Variants in CMSS1 observed in about 807,000 individuals in gnomAD.
CMSS1 encodes cms1 ribosomal small subunit homolog.
Under a neutral mutation model 43.5 loss-of-function variants are expected in CMSS1, and 33 were observed. The ratio of observed to expected loss-of-function variants is 0.76; its 90% CI spans 0.57 to 1.01. The LOEUF (loss-of-function observed/expected upper bound fraction) is 1.01, where lower values mean the gene tolerates loss of function less well. CMSS1 is among the 50% of genes least tolerant of loss of function. The pLI is 0.00. For missense variants in CMSS1, 313 were observed against 326.4 expected (o/e 0.96, Z 0.32); for synonymous variants, 115 against 117.2 (o/e 0.98, Z 0.12).
chr3:100,066,884 A>G (rs1246461009), intron 1 of CMSS1, among the ~76,000 whole-genome samples: 1 of 152,062 alleles, frequency 6.6e-6, no homozygotes, highest in East Asian at 1.9e-4. Context: ...AAAGATTTTT[A>G]CTTGACCATA....
intron 1 of CMSS1, among the ~76,000 whole-genome samples, chr3:99,915,376 G>A (rs528625901): frequency 4.8e-4 from 73 of 152,228 alleles, no homozygotes; most frequent in African/African-American, 1.5e-3. Flanking sequence ...AAGTAAGCCC[G>A]CTTACCTTAG....
intron 1 of CMSS1, among the ~76,000 whole-genome samples, chr3:100,060,379 A>G (rs1292866904): frequency 1.3e-5 from 2 of 152,142 alleles, no homozygotes; most frequent in African/African-American, 4.8e-5. Flanking sequence ...CATCTTCCTG[A>G]TGCCCTTCTA....
chr3:99,961,553 C>G (rs765608058), intron 1 of CMSS1, among the ~76,000 whole-genome samples: 16 of 152,184 alleles, frequency 1.1e-4, no homozygotes, highest in Non-Finnish European at 2.1e-4. Flanking sequence ...CAGCTGAATA[C>G]TGGTCAAAGT....
At chr3:99,952,587 C>T (rs376656392) in intron 1 of CMSS1, among the ~76,000 whole-genome samples, 54 of 152,266 alleles carry the variant, frequency 3.5e-4, no homozygotes, top group Middle Eastern at 6.8e-3. Flanking sequence ...CTAGAAAACA[C>T]TATGCTTTGG....
rs199705594 is a variant in CMSS1, at chr3:99,850,263, C to A, written c.64+32220C>A. 1.6e-5 allele frequency: 26 copies of A among 1,613,714 alleles called. No homozygotes were observed. Among genetic ancestry groups the A allele is most frequent in the Non-Finnish European group, 2.1e-5 (25 of 1,179,974 alleles). On this transcript the variant is annotated intron_variant, in intron 1 of 9. Coordinates refer to ENST00000421999, the MANE Select transcript of CMSS1 (RefSeq NM_032359.4). ...CTAGCCGACTTTCAATGGCTTCTAG[C>A]TCTTTGATCCTTACTTTTAAACTCT...
chr3:99,931,310 A>G (rs1707475648), intron 1 of CMSS1, among the ~76,000 whole-genome samples: 1 of 152,156 alleles, frequency 6.6e-6, no homozygotes, highest in Non-Finnish European at 1.5e-5. Flanking sequence ...TTCATCCCCC[A>G]AGCATTCCAC....
At chr3:99,910,461 G>A (rs1706753478) in intron 1 of CMSS1, among the ~76,000 whole-genome samples, 2 of 136,162 alleles carry the variant, frequency 1.5e-5, no homozygotes, top group African/African-American at 5.0e-5. Context: ...TCCTATCACT[G>A]AGAGCTTTTA....
At chr3:100,095,129 A>T (rs185253799) in intron 1 of CMSS1, among the ~76,000 whole-genome samples, 2 of 152,160 alleles carry the variant, frequency 1.3e-5, no homozygotes, top group Non-Finnish European at 2.9e-5. Flanking sequence ...TACAGTCTTG[A>T]TTACTATAGT....
chr3:99,826,350 T>C (rs1942535666), intron 1 of CMSS1, among the ~76,000 whole-genome samples: 3 of 152,206 alleles, frequency 2.0e-5, no homozygotes, highest in Non-Finnish European at 2.9e-5. Context: ...TAAATCCAGA[T>C]AATAAATATT....
chr3:99,855,846 A>G (rs1943936120), intron 1 of CMSS1, among the ~76,000 whole-genome samples: 1 of 152,216 alleles, frequency 6.6e-6, no homozygotes, highest in Admixed American at 6.5e-5. Flanking sequence ...TAGTTGTAAA[A>G]GGATATATTT....
chr3:100,131,143 G>A (rs576830189), intron 1 of CMSS1, among the ~76,000 whole-genome samples: 1 of 152,312 alleles, frequency 6.6e-6, no homozygotes, highest in South Asian at 2.1e-4. Context: ...ACCCTATGAA[G>A]TAGGTACTGT....
rs951661092 is a variant in CMSS1, at chr3:99,985,045, G to A, written c.65-161928G>A. ...CCGTGAGGAAGGTATAAGGGGCAGG[G>A]TACCAGGTATATATGGTTAGAAGTT... On this transcript the variant is annotated intron_variant, in intron 1 of 9. Coordinates refer to ENST00000421999, the MANE Select transcript of CMSS1 (RefSeq NM_032359.4). Among the ~76,000 whole-genome samples the A allele has an allele frequency of 2.6e-5, 4 of 152,246 alleles. No homozygotes were observed. The South Asian group carries it at 8.3e-4, about 32-fold the overall frequency.
intron 1 of CMSS1, among the ~76,000 whole-genome samples, chr3:100,125,742 C>T (rs1391875953): frequency 6.6e-6 from 1 of 152,148 alleles, no homozygotes; most frequent in Non-Finnish European, 1.5e-5. Context: ...CTGACTTGGA[C>T]ATATTTTCTA....
chr3:99,951,718 C>G (rs1406133368), intron 1 of CMSS1, among the ~76,000 whole-genome samples: 1 of 152,130 alleles, frequency 6.6e-6, no homozygotes, highest in African/African-American at 2.4e-5. Flanking sequence ...CTAATTGACC[C>G]AATAGGTACC....
chr3:100,148,599 C>A (rs2066874765), intron 2 of CMSS1, among the ~76,000 whole-genome samples: 3 of 152,182 alleles, frequency 2.0e-5, no homozygotes, highest in Non-Finnish European at 4.4e-5. Context: ...TTAAATTTCC[C>A]TGTGACTCAG....
At chr3:99,931,840 G>A (rs1404702070) in intron 1 of CMSS1, among the ~76,000 whole-genome samples, 6 of 152,170 alleles carry the variant, frequency 3.9e-5, no homozygotes, top group Admixed American at 3.9e-4. Context: ...ATAATAGGAA[G>A]AAAAATTCTT....
At chr3:99,885,542 T>TA (rs957501568) in intron 1 of CMSS1, among the ~76,000 whole-genome samples, 2 of 152,254 alleles carry the variant, frequency 1.3e-5, no homozygotes, top group African/African-American at 4.8e-5. Flanking sequence ...TTCATAAACT[T>TA]ACTTTGATAC....
rs886842032 is a variant in CMSS1 at position 100,038,000 on chromosome 3, G to A, written c.65-108973G>A. Among the ~76,000 whole-genome samples the A allele has an allele frequency of 2.7e-5, 4 of 147,872 alleles. No individual in the cohort carries two copies. The South Asian group carries it at 8.6e-4, about 32-fold the overall frequency. Reference sequence around the variant, plus strand: ...GTCTCAAATCTCGCTCTGTCGCCCAGGTGGAGTGCAGTGGCACAATCTCGG... The same window carrying A: ...GTCTCAAATCTCGCTCTGTCGCCCAAGTGGAGTGCAGTGGCACAATCTCGG... On this transcript the variant is annotated intron_variant, in intron 1 of 9. Transcript: ENST00000421999.
intron 1 of CMSS1, among the ~76,000 whole-genome samples, chr3:99,971,485 T>G (rs1708820890): frequency 6.6e-6 from 1 of 152,220 alleles, no homozygotes; most frequent in Non-Finnish European, 1.5e-5. Context: ...GAAATACTGG[T>G]ATGGGACTCA....
Sources: allele counts gnomAD v4.1 joint callset (sites outside exome capture counted in the v4.1 genomes callset), GRCh38; gene constraint gnomAD v4.1.1; transcripts MANE v1.5; gene names NCBI Gene and HGNC (gene_info 2026-07-23, HGNC 2026-07-21).